CREBRF: variants seen among roughly 807,000 people sequenced by gnomAD.
CREBRF encodes UPF0474 protein C5orf41.
Under a neutral mutation model 66.1 loss-of-function variants are expected in CREBRF, and 5 were observed. The observed-to-expected ratio is 0.08, with a 90% CI of 0.04 to 0.16. The LOEUF (loss-of-function observed/expected upper bound fraction) is 0.16. Among genes scored for constraint, CREBRF ranks in the 10% least tolerant of loss-of-function variants. CREBRF has a pLI of 1.00. For missense variants in CREBRF, 531 were observed against 744.9 expected, an observed-to-expected ratio of 0.71 and a Z score of 3.34; for synonymous variants, 229 against 264.4, an observed-to-expected ratio of 0.87 and a Z score of 1.30.
chr5:173,108,696 G>A lies in CREBRF; in HGVS notation c.1295G>A (p.Arg432Lys). The A allele has an allele frequency of 6.2e-7, 1 of 1,614,004 alleles. No homozygotes were observed. Among genetic ancestry groups the A allele is most frequent in the Non-Finnish European group, 8.5e-7 (1 of 1,179,954 alleles). ...SISSRKRGKR[R>K]YFWEYSEQLT... ...TCTTCACGGAAGAGAGGTAAAAGAAGATACTTCTGGGAGTATAGTGAACAA... is the reference window on the plus strand; with the variant it reads ...TCTTCACGGAAGAGAGGTAAAAGAAAATACTTCTGGGAGTATAGTGAACAA... The change falls in exon 5 of 9, where the codon AGA becomes AAA. Residue 432 changes from arginine (R) to lysine (K), a missense_variant. Arg to Lys is a conservative substitution (Grantham distance 26, BLOSUM62 2). Around this residue, in one of 5 missense-constraint regions of CREBRF, gnomAD observed 309 missense variants for 341.4 expected, o/e 0.90. Transcript: ENST00000296953.
At position 173,058,940 on chromosome 5, in the gene CREBRF, C is replaced by T. The variant is rs548449403; in HGVS notation, c.-192+2461C>T. ...CCTCCCGAGTAGCTGCGACTACAGG[C>T]GCGTGCCACCATGCCTGGCTAATTT... is the stretch of plus-strand genomic sequence containing the variant. On this transcript the variant is annotated intron_variant, in intron 1 of 8. Transcript: ENST00000296953. Among the ~76,000 whole-genome samples the T allele has an allele frequency of 6.6e-5, 10 of 151,656 alleles. No homozygotes were observed. The South Asian group carries it at 2.1e-3, about 32-fold the overall frequency.
intron 8 of CREBRF, among the ~76,000 whole-genome samples, chr5:173,129,446 G>T (rs570971105): frequency 1.8e-4 from 28 of 152,170 alleles, no homozygotes; most frequent in African/African-American, 6.3e-4. Flanking sequence ...TTTTAGCCAG[G>T]TGCAGTGGCT....
intron 1 of CREBRF, chr5:173,057,622 C>T (rs949048422): frequency 6.6e-6 from 1 of 152,302 alleles, no homozygotes; most frequent in African/African-American, 2.4e-5. Flanking sequence ...TCCTTTAACC[C>T]AAGAAAGCAA....
rs70984946 is a variant in CREBRF, at chr5:173,129,106, C to CTTTTTTT, written c.1805-4502_1805-4496dup. Among the ~76,000 whole-genome samples, 321 of 53,750 alleles carry CTTTTTTT rather than the reference C, an allele frequency of 6.0e-3. 59 individuals are homozygous for CTTTTTTT. Among genetic ancestry groups the CTTTTTTT allele is most frequent in the African/African-American group, 0.025 (302 of 12,290 alleles). 35.3% of individuals were successfully genotyped at this position (53,750 alleles called of 152,430 possible). A position where few individuals can be genotyped will look rare whatever the true frequency, so the allele number is the denominator to read the frequency against. On this transcript the variant is annotated intron_variant, in intron 8 of 8. Coordinates refer to ENST00000296953, the MANE Select transcript of CREBRF (RefSeq NM_153607.3). ...CTGAATCATTTTATATTAGTTACAT[C>CTTTTTTT]TTTTTTTTTTTTTTTTTTTTTTTTT...
chr5:173,071,657 A>G (rs1374265519), intron 1 of CREBRF, among the ~76,000 whole-genome samples: 1 of 152,036 alleles, frequency 6.6e-6, no homozygotes, highest in Non-Finnish European at 1.5e-5. Context: ...AGGTCTGAGT[A>G]GTTTGGACAT....
chr5:173,079,016 G>T (rs554655271), intron 1 of CREBRF, among the ~76,000 whole-genome samples: 3 of 152,278 alleles, frequency 2.0e-5, no homozygotes, highest in African/African-American at 7.2e-5. Flanking sequence ...GGAATCAGGG[G>T]AGAGAATTAG....
intron 5 of CREBRF, chr5:173,110,309 A>G (rs1758842381): frequency 1.4e-5 from 9 of 657,042 alleles, no homozygotes; most frequent in African/African-American, 3.6e-5. Flanking sequence ...GAACTCTGCC[A>G]TATCACCCCC....
intron 7 of CREBRF, among the ~76,000 whole-genome samples, chr5:173,121,408 C>A (rs745431839): frequency 1.3e-5 from 2 of 151,742 alleles, no homozygotes; most frequent in Non-Finnish European, 2.9e-5. Context: ...CTGCAAGCTC[C>A]GCCTCCTGAG....
rs1759601937 is a variant in CREBRF, at chr5:173,137,047, T to C, written c.*3302T>C. 6.6e-6 allele frequency: 1 copy of C among 152,162 alleles called. No homozygotes were observed. The highest frequency in any genetic ancestry group is 1.5e-5 in the Non-Finnish European group (1 of 67,900). 9.4% of individuals were successfully genotyped at this position (152,162 alleles called of 1,614,324 possible). On this transcript the variant is annotated 3_prime_UTR_variant, in exon 9 of 9. Transcript: ENST00000296953. ...AGTTTGTCTCCATATGAAAGCATGCTGTCCAGTCGCTCTTGTTAAGATCTT... is the reference window on the plus strand; with the variant it reads ...AGTTTGTCTCCATATGAAAGCATGCCGTCCAGTCGCTCTTGTTAAGATCTT...
chr5:173,108,939 T>C (rs1758810624), intron 5 of CREBRF, 121 bp downstream of exon 5: 1 of 797,968 alleles, frequency 1.3e-6, no homozygotes, highest in Non-Finnish European at 2.0e-6. Flanking sequence ...AGATGGGGAC[T>C]GTAGAGCTGC....
At chr5:173,067,295 A>T (rs1757462583) in intron 1 of CREBRF, among the ~76,000 whole-genome samples, 1 of 152,208 alleles carries the variant, frequency 6.6e-6, no homozygotes, top group African/African-American at 2.4e-5. Context: ...TTTTATTTGG[A>T]AGTTGAGTTG....
chr5:173,075,721 C>T lies in CREBRF; in HGVS notation c.-191-4864C>T, dbSNP rs191757612. Among the ~76,000 whole-genome samples the T allele has an allele frequency of 1.5e-3, 222 of 152,102 alleles. 2 individuals carry two copies. The South Asian group carries it at 0.015, about 10-fold the overall frequency. On this transcript the variant is annotated intron_variant, in intron 1 of 8. Transcript: ENST00000296953. ...GCCTGTCCTTCCTGCCTCCCTGTTT[C>T]GTTGCCTCCTTGCCTCCCTTCCTCA...
chr5:173,133,123 G>A lies in CREBRF; in HGVS notation c.1805-507G>A, dbSNP rs530858812. On this transcript the variant is annotated intron_variant, in intron 8 of 8. Transcript: ENST00000296953. ...TCTTCTCTTCCAACATTTCTTATTC[G>A]TTCATTCACTTTTTTAAATGAAGAA... 6.0e-4 allele frequency among the ~76,000 whole-genome samples: 91 copies of A among 152,000 alleles called. 2 individuals carry two copies. The highest frequency in any genetic ancestry group is 7.9e-4 in the Admixed American group (12 of 15,266).
intron 2 of CREBRF, among the ~76,000 whole-genome samples, chr5:173,085,108 A>G (rs1374186316): frequency 6.7e-6 from 1 of 149,330 alleles, no homozygotes; most frequent in Non-Finnish European, 1.5e-5. Flanking sequence ...ACACCTGACT[A>G]ATTTTCGTAT....
intron 1 of CREBRF, among the ~76,000 whole-genome samples, chr5:173,064,848 G>A (rs1177489778): frequency 6.6e-6 from 1 of 152,076 alleles, no homozygotes; most frequent in Non-Finnish European, 1.5e-5. Flanking sequence ...ACAGGTGTGA[G>A]CCACTGCGCC....
intron 1 of CREBRF, among the ~76,000 whole-genome samples, chr5:173,073,276 A>T (rs2113685754): frequency 6.6e-6 from 1 of 152,288 alleles, no homozygotes; most frequent in Non-Finnish European, 1.5e-5. Flanking sequence ...TTATTTATTG[A>T]TGTAAAAAGG....
At chr5:173,132,889 C>T (rs1013058571) in intron 8 of CREBRF, among the ~76,000 whole-genome samples, 1 of 151,790 alleles carries the variant, frequency 6.6e-6, no homozygotes, top group Admixed American at 6.6e-5. Context: ...CCTGCCTCAG[C>T]CTCCCAAAGT....
chr5:173,095,910 A>C (rs1223334876), intron 4 of CREBRF, among the ~76,000 whole-genome samples: 1 of 151,796 alleles, frequency 6.6e-6, no homozygotes, highest in Non-Finnish European at 1.5e-5. Context: ...ATTTTTGAAT[A>C]ATGATTTTGT....
At chr5:173,066,444 A>T (rs901949994) in intron 1 of CREBRF, among the ~76,000 whole-genome samples, 1 of 152,220 alleles carries the variant, frequency 6.6e-6, no homozygotes, top group African/African-American at 2.4e-5. Context: ...CCCAGGTAGT[A>T]GTATTCTCGG....
Sources: allele counts gnomAD v4.1 joint callset (sites outside exome capture counted in the v4.1 genomes callset), GRCh38; gene constraint gnomAD v4.1.1; regional missense constraint gnomAD v4.1.1; transcripts MANE v1.5; gene names NCBI Gene and HGNC (gene_info 2026-07-23, HGNC 2026-07-21).